Variants in MTSS1 observed in about 807,000 individuals in gnomAD.
The protein encoded by MTSS1 is protein MTSS 1.
In MTSS1, 18 loss-of-function variants were observed where a neutral mutation model predicts 79.0. That is an observed-to-expected ratio of 0.23 (90% CI 0.16 to 0.34). The LOEUF (loss-of-function observed/expected upper bound fraction) is 0.34. Ranked by LOEUF, MTSS1 falls within the 10% of genes least tolerant of loss-of-function variation. The pLI is 1.00. For missense variants in MTSS1, 815 were observed against 986.2 expected, an observed-to-expected ratio of 0.83 and a Z score of 2.33; for synonymous variants, 341 against 368.6, an observed-to-expected ratio of 0.93 and a Z score of 0.86.
At chr8:124,642,878 C>T (rs887249442) in intron 3 of MTSS1, among the ~76,000 whole-genome samples, 1 of 152,202 alleles carries the variant, frequency 6.6e-6, no homozygotes, top group Admixed American at 6.5e-5. Flanking sequence ...CAGGCATGAG[C>T]CACTGCGCCC....
In MTSS1 at chr8:124,621,874, T is replaced by G. The variant is rs1813590066; in HGVS notation, c.209-30639A>C. On this transcript the variant is annotated intron_variant, in intron 3 of 13. Transcript: ENST00000518547. Reference sequence around the variant, plus strand: ...CCTATCTCTTTCCCCAGAGAAATCCTTACTAACCCTTAGAGAGTCAGAAAG... The same window carrying G: ...CCTATCTCTTTCCCCAGAGAAATCCGTACTAACCCTTAGAGAGTCAGAAAG... 2.6e-5 allele frequency among the ~76,000 whole-genome samples: 4 copies of G among 152,154 alleles called. No homozygotes were observed. In the South Asian group the frequency reaches 8.3e-4, roughly 32 times the overall value.
chr8:124,701,416 C>G (rs1311113183), intron 2 of MTSS1, among the ~76,000 whole-genome samples: 1 of 152,096 alleles, frequency 6.6e-6, no homozygotes, highest in Non-Finnish European at 1.5e-5. Context: ...TCCAGTAGGG[C>G]AAGAAAACAT....
At chr8:124,688,083 G>A (rs1827278344) in intron 3 of MTSS1, among the ~76,000 whole-genome samples, 1 of 152,170 alleles carries the variant, frequency 6.6e-6, no homozygotes, top group Non-Finnish European at 1.5e-5. Flanking sequence ...GATTACCACA[G>A]CAGTGTCTTT....
chr8:124,714,063 A>T (rs1831554022), intron 1 of MTSS1, among the ~76,000 whole-genome samples: 1 of 152,134 alleles, frequency 6.6e-6, no homozygotes, highest in South Asian at 2.1e-4. Flanking sequence ...CATTTCCTTT[A>T]TGATTTCAGA....
chr8:124,678,039 C>T (rs564885731), intron 3 of MTSS1, among the ~76,000 whole-genome samples: 2 of 152,228 alleles, frequency 1.3e-5, no homozygotes, highest in South Asian at 2.1e-4. Context: ...TCTTTTCCCC[C>T]AAACATTTTG....
chr8:124,568,965 G>A, intron 6 of MTSS1: 1 of 719,372 alleles, frequency 1.4e-6, no homozygotes, highest in Non-Finnish European at 1.9e-6. Context: ...GCTTTGTTGG[G>A]TCAATCTCAA....
chr8:124,556,425 T>G lies in MTSS1; in HGVS notation c.1231-20A>C, dbSNP rs751876372. 4 of 1,590,724 alleles carry G rather than the reference T, an allele frequency of 2.5e-6. No individual in the cohort carries two copies. Among genetic ancestry groups the G allele is most frequent in the Non-Finnish European group, 3.4e-6 (4 of 1,167,634 alleles). On this transcript the variant is annotated intron_variant, in intron 11 of 13. Coordinates refer to ENST00000518547, the MANE Select transcript of MTSS1 (RefSeq NM_014751.6). Reference sequence around the variant, plus strand: ...CCAGTCCTATGCAAAACAAGTGCGGTCAGGAGCCAGGGCCTCTGCCTCCAC... The same window carrying G: ...CCAGTCCTATGCAAAACAAGTGCGGGCAGGAGCCAGGGCCTCTGCCTCCAC...
chr8:124,658,736 CCAGAACAG>C (rs1821446869), intron 3 of MTSS1, among the ~76,000 whole-genome samples: 1 of 152,108 alleles, frequency 6.6e-6, no homozygotes, highest in Non-Finnish European at 1.5e-5. Flanking sequence ...TCACCATCAA[CCAGAACAG>C]CAGCAAAGCG....
intron 3 of MTSS1, among the ~76,000 whole-genome samples, chr8:124,678,518 C>T (rs772271429): frequency 1.7e-4 from 26 of 152,306 alleles, no homozygotes; most frequent in Non-Finnish European, 2.9e-4. Flanking sequence ...AGCAAAGGTA[C>T]GTCTTACATG....
intron 3 of MTSS1, among the ~76,000 whole-genome samples, chr8:124,596,621 G>A (rs1357359020): frequency 6.6e-6 from 1 of 152,194 alleles, no homozygotes; most frequent in Non-Finnish European, 1.5e-5. Flanking sequence ...TTTGGGGGCT[G>A]CTGTAACAAA....
At chr8:124,657,790 C>G (rs184473642) in intron 3 of MTSS1, among the ~76,000 whole-genome samples, 55 of 152,306 alleles carry the variant, frequency 3.6e-4, no homozygotes, top group African/African-American at 1.2e-3. Flanking sequence ...CATTATTGGC[C>G]CATTTCAAGC....
intron 1 of MTSS1, among the ~76,000 whole-genome samples, chr8:124,724,151 A>T (rs1833345283): frequency 6.6e-6 from 1 of 152,232 alleles, no homozygotes; most frequent in Non-Finnish European, 1.5e-5. Context: ...GGTAAAAAAA[A>T]AATCCTGAAA....
At chr8:124,639,271 G>A (rs553397255) in intron 3 of MTSS1, among the ~76,000 whole-genome samples, 1 of 152,288 alleles carries the variant, frequency 6.6e-6, no homozygotes, top group Admixed American at 6.5e-5. Context: ...CCAGGAGGCA[G>A]AGGTTGCAGT....
intron 3 of MTSS1, among the ~76,000 whole-genome samples, chr8:124,613,240 G>GT (rs1836214106): frequency 6.6e-6 from 1 of 152,142 alleles, no homozygotes; most frequent in Non-Finnish European, 1.5e-5. Context: ...CCAACCAATG[G>GT]TATAACCTTG....
chr8:124,704,295 G>A, intron 1 of MTSS1, 104 bp from the exon 2 acceptor site: 1 of 1,000,926 alleles, frequency 1.0e-6, no homozygotes, highest in Non-Finnish European at 1.6e-6. Context: ...ATCTGTGTAT[G>A]TTCTCTTCCT....
intron 3 of MTSS1, among the ~76,000 whole-genome samples, chr8:124,675,179 T>C (rs1253562189): frequency 6.6e-6 from 1 of 152,334 alleles, no homozygotes; most frequent in South Asian, 2.1e-4. Context: ...TGAGGAACAC[T>C]GATCTTTCAC....
At chr8:124,691,002 T>C (rs1414725020) in intron 3 of MTSS1, among the ~76,000 whole-genome samples, 5 of 152,254 alleles carry the variant, frequency 3.3e-5, no homozygotes, top group African/African-American at 9.6e-5. Flanking sequence ...TGAAGTTTCA[T>C]AGAAAGCACA....
At chr8:124,555,486 T>A (rs1205259964) in intron 13 of MTSS1, among the ~76,000 whole-genome samples, 1 of 152,188 alleles carries the variant, frequency 6.6e-6, no homozygotes, top group Non-Finnish European at 1.5e-5. Context: ...GACCTCGTGA[T>A]CCACCTGCCT....
chr8:124,708,753 G>A (rs935211818), intron 1 of MTSS1, among the ~76,000 whole-genome samples: 5 of 152,212 alleles, frequency 3.3e-5, no homozygotes, highest in Middle Eastern at 3.4e-3. Flanking sequence ...CCCCACCTAC[G>A]AACATCCACC....
Sources: allele counts gnomAD v4.1 joint callset (sites outside exome capture counted in the v4.1 genomes callset), GRCh38; gene constraint gnomAD v4.1.1; transcripts MANE v1.5; gene names NCBI Gene and HGNC (gene_info 2026-07-23, HGNC 2026-07-21).